The following FGF14 variants were observed in gnomAD, a reference collection of about 807,000 sequenced individuals.
FGF14 encodes the protein fibroblast growth factor 14, also known as fibroblast growth factor homologous factor 4.
A neutral mutation model predicts 25.5 loss-of-function variants in FGF14; 5 were observed. The observed-to-expected ratio is 0.20, with a 90% confidence interval of 0.10 to 0.41. The LOEUF (loss-of-function observed/expected upper bound fraction) is 0.41. FGF14 is among the 10% of genes least tolerant of loss of function. The probability of loss-of-function intolerance (pLI) is 1.00; values close to 1 mark genes in which losing one functional copy is unlikely to be tolerated. For missense variants in FGF14, 222 were observed against 320.1 expected (o/e 0.69, Z 2.34); for synonymous variants, 138 against 118.3 (o/e 1.17, Z -1.08).
chr13:102,395,444 G>C (rs952542657), intron 1 of FGF14: 4 of 152,186 alleles, frequency 2.6e-5, no homozygotes, highest in African/African-American at 9.7e-5. Flanking sequence ...CCTTGAGACT[G>C]AGAAGGAAGC....
chr13:102,165,380 G>A (rs12017032), intron 1 of FGF14, among the ~76,000 whole-genome samples: 11,844 of 151,930 alleles, frequency 0.078, 835 homozygotes, highest in East Asian at 0.21. Context: ...GTTTATTGCA[G>A]CACTATTCAC....
At chr13:101,794,814 T>C (rs193252488) in intron 3 of FGF14, among the ~76,000 whole-genome samples, 1 of 152,260 alleles carries the variant, frequency 6.6e-6, no homozygotes, top group African/African-American at 2.4e-5. Context: ...AGGGGAAGTT[T>C]ATCGAAACAG....
rs1352900215 is a variant in FGF14, at chr13:102,066,604, CCTT to C, written c.209-191311_209-191309del. Among the ~76,000 whole-genome samples the C allele has an allele frequency of 2.0e-5, 3 of 152,290 alleles. No homozygotes were observed. In the South Asian group the frequency reaches 6.2e-4, roughly 32 times the overall value. ...ACACAATGTTTATTCCCTCCAATAA[CCTT>C]CTGAATTTCCAAATGATACATTCAA... is the stretch of plus-strand genomic sequence containing the variant. On this transcript the variant is annotated intron_variant, in intron 1 of 4. Transcript: ENST00000376131.
rs118122548 is a variant in FGF14 at position 102,344,848 on chromosome 13, T to C, written c.208+56623A>G. On this transcript the variant is annotated intron_variant, in intron 1 of 4. Transcript: ENST00000376131. ...ATAGATGAATCTACGTGGCCTAAAATATCATACAAAGGTATGGAGCAGCAT... is the reference window on the plus strand; with the variant it reads ...ATAGATGAATCTACGTGGCCTAAAACATCATACAAAGGTATGGAGCAGCAT... 1.2e-3 allele frequency among the ~76,000 whole-genome samples: 188 copies of C among 152,328 alleles called. 1 individual carries two copies. Among genetic ancestry groups the C allele is most frequent in the Non-Finnish European group, 2.3e-3 (157 of 68,030 alleles).
intron 1 of FGF14, among the ~76,000 whole-genome samples, chr13:102,021,356 G>A (rs149843723): frequency 6.6e-6 from 1 of 152,058 alleles, no homozygotes; most frequent in Non-Finnish European, 1.5e-5. Context: ...AGTGCGTTGT[G>A]CTCTGGTGGG....
At chr13:102,368,941 G>A (rs962524225) in intron 1 of FGF14, among the ~76,000 whole-genome samples, 2 of 152,136 alleles carry the variant, frequency 1.3e-5, no homozygotes, top group African/African-American at 4.8e-5. Flanking sequence ...ATTTTTTAAA[G>A]CGAATCCAGC....
chr13:101,908,090 T>G (rs1318281048), intron 1 of FGF14, among the ~76,000 whole-genome samples: 1 of 151,672 alleles, frequency 6.6e-6, no homozygotes, highest in Non-Finnish European at 1.5e-5. Flanking sequence ...ACATAAGAGG[T>G]TTGAAGGGAA....
chr13:101,885,959 TTTCAAACCAGTTTTAAAATTTCAGG>T (rs2045969740), intron 1 of FGF14, among the ~76,000 whole-genome samples: 1 of 152,162 alleles, frequency 6.6e-6, no homozygotes, highest in East Asian at 1.9e-4. Context: ...AAACCTAATA[TTTCAAACCAGTTTTAAAATTTCAGG>T]TTAATGCTTC....
chr13:102,014,045 A>G (rs1483538587), intron 1 of FGF14, among the ~76,000 whole-genome samples: 7 of 152,128 alleles, frequency 4.6e-5, no homozygotes, highest in African/African-American at 1.7e-4. Context: ...TAAAAGTATC[A>G]TTTTAAATAA....
At chr13:101,805,986 A>G (rs2041174661) in intron 3 of FGF14, among the ~76,000 whole-genome samples, 1 of 151,980 alleles carries the variant, frequency 6.6e-6, no homozygotes, top group African/African-American at 2.4e-5. Flanking sequence ...AAATGTATAT[A>G]CATATACATA....
chr13:101,940,530 T>C (rs1428331453), intron 1 of FGF14, among the ~76,000 whole-genome samples: 2 of 152,210 alleles, frequency 1.3e-5, no homozygotes, highest in African/African-American at 4.8e-5. Flanking sequence ...TTTTTTCTAC[T>C]TGAACTACTT....
Position 101,951,464 on chromosome 13 carries a change from A to C in FGF14, c.209-76168T>G, listed in dbSNP as rs2036164228. On this transcript the variant is annotated intron_variant, in intron 1 of 4. Transcript: ENST00000376131. ...ATTGGACAATTTTAGGAATTTTATT[A>C]AGAAGCAAGTCATTGATTATATTAA... Among the ~76,000 whole-genome samples the C allele has an allele frequency of 3.3e-5, 5 of 152,242 alleles. No individual in the cohort carries two copies. The South Asian group carries it at 1.0e-3, about 32-fold the overall frequency.
At chr13:101,882,261 T>G (rs542346640) in intron 1 of FGF14, among the ~76,000 whole-genome samples, 32 of 152,200 alleles carry the variant, frequency 2.1e-4, no homozygotes, top group African/African-American at 7.7e-4. Context: ...GTTAAACCTA[T>G]AGCAGACCGT....
intron 1 of FGF14, among the ~76,000 whole-genome samples, chr13:101,924,846 A>G (rs1374327092): frequency 6.6e-6 from 1 of 152,196 alleles, no homozygotes; most frequent in Non-Finnish European, 1.5e-5. Context: ...GAAGTCAGCT[A>G]TTTGAAATAT....
intron 3 of FGF14, among the ~76,000 whole-genome samples, chr13:101,779,347 G>T (rs1207397772): frequency 6.6e-6 from 1 of 152,048 alleles, no homozygotes; most frequent in Non-Finnish European, 1.5e-5. Flanking sequence ...AACAATACAC[G>T]TTTCTTCCTG....
chr13:101,910,817 G>T (rs943004049), intron 1 of FGF14, among the ~76,000 whole-genome samples: 1 of 148,506 alleles, frequency 6.7e-6, no homozygotes, highest in East Asian at 2.0e-4. Flanking sequence ...CTCTGAAATG[G>T]TCTCTTAGAG....
intron 1 of FGF14, among the ~76,000 whole-genome samples, chr13:101,930,328 G>A (rs1029629840): frequency 6.6e-6 from 1 of 152,166 alleles, no homozygotes; most frequent in Non-Finnish European, 1.5e-5. Context: ...ATGTCAAAAA[G>A]AGCCAAATTA....
intron 1 of FGF14, among the ~76,000 whole-genome samples, chr13:102,161,591 A>G (rs1181867813): frequency 0.19 from 689 of 3,604 alleles, 13 homozygotes; most frequent in Non-Finnish European, 0.19. Flanking sequence ...AAGAAGAAGA[A>G]GAAGAAGAAG....
At chr13:101,744,875 T>C (rs1017581945) in intron 3 of FGF14, among the ~76,000 whole-genome samples, 2 of 152,034 alleles carry the variant, frequency 1.3e-5, no homozygotes, top group African/African-American at 4.8e-5. Flanking sequence ...GTGTTTGGGG[T>C]TCATGAATAA....
Sources: gnomAD v4.1 joint callset for allele counts (sites outside exome capture counted in the v4.1 genomes callset) on GRCh38, gnomAD v4.1.1 for gene constraint, MANE v1.5 for transcripts, NCBI Gene and HGNC (gene_info 2026-07-23, HGNC 2026-07-21) for gene names.